Variants in ZNF384 observed in about 807,000 individuals in gnomAD.
ZNF384 encodes CAG repeat protein 1.
A neutral mutation model predicts 65.0 loss-of-function variants in ZNF384; 20 were observed. The ratio of observed to expected loss-of-function variants is 0.31; its 90% CI spans 0.22 to 0.45. ZNF384 has a LOEUF of 0.45. ZNF384 is among the 20% of genes least tolerant of loss of function. The pLI, the probability that ZNF384 is intolerant of heterozygous loss-of-function variation, is 1.00. For synonymous variants in ZNF384, 310 were observed against 303.9 expected (o/e 1.02, Z -0.21); for missense variants, 549 against 769.4 (o/e 0.71, Z 3.39).
intron 7 of ZNF384, among the ~76,000 whole-genome samples, chr12:6,676,746 T>A (rs1041564579): frequency 3.3e-5 from 5 of 152,238 alleles, no homozygotes; most frequent in African/African-American, 4.8e-5. Flanking sequence ...TGAACTGATA[T>A]ATAAGAGAAT....
At position 6,666,542 on chromosome 12, in the gene ZNF384, TTTTC is replaced by T. The variant is rs1438281484; in HGVS notation, c.*1168_*1171del. On this transcript the variant is annotated 3_prime_UTR_variant, in exon 12 of 12. Coordinates refer to ENST00000683879, the MANE Select transcript of ZNF384 (RefSeq NM_001385745.1). Reference sequence around the variant, plus strand: ...CACCCCTTGGTTTGTACATAAGTTTTTTTCTTTTTTTCTTCATTTTTAAATTACT... The same window carrying T: ...CACCCCTTGGTTTGTACATAAGTTTTTTTTTTTCTTCATTTTTAAATTACT... The T allele has an allele frequency of 1.8e-5, 3 of 162,376 alleles. No homozygotes were observed. Among genetic ancestry groups the T allele is most frequent in the Non-Finnish European group, 4.0e-5 (3 of 74,568 alleles). 10.1% of individuals were successfully genotyped at this position (162,376 alleles called of 1,614,324 possible). A position where few individuals can be genotyped will look rare whatever the true frequency, so the allele number is the denominator to read the frequency against.
chr12:6,672,439 G>A lies in ZNF384; in HGVS notation c.1098C>T (p.His366=). Residue 366 remains histidine, a synonymous_variant, in exon 9 of 12, where the codon CAC becomes CAT. Transcript: ENST00000683879. The surrounding 1 kb of genome is among the most constrained non-coding windows in gnomAD (Gnocchi z 4.4). The part of the protein sequence containing the change: ...TFANTSYLAQ[H]LRIHSGAKPY... Reference sequence around the variant, plus strand: ...GCTTGGCCCCCGAGTGGATACGGAGGTGCTGGGCCAGGTAGGAGGTGTTGG... The same window carrying A: ...GCTTGGCCCCCGAGTGGATACGGAGATGCTGGGCCAGGTAGGAGGTGTTGG... 1 of 1,614,222 alleles carries A rather than the reference G, an allele frequency of 6.2e-7. No homozygotes were observed. Among genetic ancestry groups the A allele is most frequent in the Non-Finnish European group, 8.5e-7 (1 of 1,180,026 alleles).
chr12:6,687,656 T>C (rs779696540), intron 2 of ZNF384, among the ~76,000 whole-genome samples: 1 of 152,082 alleles, frequency 6.6e-6, no homozygotes, highest in African/African-American at 2.4e-5. Flanking sequence ...TTTTTTCCCC[T>C]GAAAATTTCA....
intron 7 of ZNF384, among the ~76,000 whole-genome samples, chr12:6,674,656 A>G: frequency 6.6e-6 from 1 of 152,212 alleles, no homozygotes; most frequent in South Asian, 2.1e-4. Context: ...TAGTGAGCAT[A>G]ATCCAAAGGA....
intron 6 of ZNF384, 89 bp from the exon 7 acceptor site, chr12:6,677,348 A>C (rs983779192): frequency 9.2e-6 from 11 of 1,200,018 alleles, no homozygotes; most frequent in Non-Finnish European, 1.2e-5. Context: ...GCCCCTGTCT[A>C]TATCAAAGCT....
At chr12:6,669,616 C>T (rs1265948664) in intron 10 of ZNF384, among the ~76,000 whole-genome samples, 1 of 152,048 alleles carries the variant, frequency 6.6e-6, no homozygotes, top group Non-Finnish European at 1.5e-5. Flanking sequence ...TCTCCTGCCT[C>T]AGCCTGCAAG....
Position 6,666,873 on chromosome 12 carries a change from C to T in ZNF384, c.*841G>A, listed in dbSNP as rs2136314284. 5.4e-6 allele frequency: 1 copy of T among 186,520 alleles called. No individual in the cohort carries two copies. Among genetic ancestry groups the T allele is most frequent in the East Asian group, 8.6e-5 (1 of 11,686 alleles). 11.6% of individuals were successfully genotyped at this position (186,520 alleles called of 1,614,324 possible). The stretch of plus-strand genomic sequence containing the variant: ...GCATCTGACTGTGGCACCTAGGGAG[C>T]TAAGTCCAGTCCTTGCGTTTGCCTT... On this transcript the variant is annotated 3_prime_UTR_variant, in exon 12 of 12. Transcript: ENST00000683879.
At chr12:6,684,722 G>A (rs1268841370) in intron 2 of ZNF384, among the ~76,000 whole-genome samples, 4 of 152,078 alleles carry the variant, frequency 2.6e-5, no homozygotes, top group East Asian at 1.9e-4. Flanking sequence ...TGACACCTGA[G>A]AAATGCTATG....
intron 2 of ZNF384, among the ~76,000 whole-genome samples, chr12:6,686,544 G>T (rs997118173): frequency 6.6e-6 from 1 of 152,202 alleles, no homozygotes; most frequent in South Asian, 2.1e-4. Context: ...GTAAGCCACC[G>T]TGCCCGGCCA....
At position 6,679,193 on chromosome 12, in the gene ZNF384, A is replaced by G. The variant is rs150066959; in HGVS notation, c.67-10T>C. ...ACATTGTGTTCTCGATCTAAGAGAA[A>G]AGGAAGGGGACGGGAGCACCCTCTT... is the stretch of plus-strand genomic sequence containing the variant. On this transcript the variant is annotated splice_polypyrimidine_tract_variant and intron_variant, in intron 3 of 11. Coordinates refer to ENST00000683879, the MANE Select transcript of ZNF384 (RefSeq NM_001385745.1). 8.7e-5 allele frequency: 136 copies of G among 1,561,150 alleles called. No homozygotes were observed. The East Asian group carries it at 2.4e-3, about 27-fold the overall frequency.
At chr12:6,677,060 T>G (rs1212296548) in intron 7 of ZNF384, 107 bp downstream of exon 7, 1 of 330,132 alleles carries the variant, frequency 3.0e-6, no homozygotes, top group East Asian at 7.7e-5. Flanking sequence ...TTCCCAACAT[T>G]TCAAATCTTA....
At chr12:6,668,501 G>C (rs539158875) in intron 11 of ZNF384, among the ~76,000 whole-genome samples, 1 of 152,160 alleles carries the variant, frequency 6.6e-6, no homozygotes, top group Non-Finnish European at 1.5e-5. Context: ...TCAGGAGTTT[G>C]AGACCAGCCT....
intron 11 of ZNF384, 110 bp downstream of exon 11, chr12:6,668,921 G>T: frequency 8.3e-7 from 1 of 1,211,078 alleles, no homozygotes; most frequent in Non-Finnish European, 1.1e-6. Flanking sequence ...CTAAGTTGGA[G>T]CTAGGGAGGC....
intron 1 of ZNF384, 79 bp downstream of exon 1, chr12:6,689,019 C>T (rs1296444274): frequency 6.6e-6 from 1 of 152,278 alleles, no homozygotes; most frequent in Non-Finnish European, 1.5e-5. Flanking sequence ...ACCCCCCCTT[C>T]CCCGCCTGCC....
In ZNF384 at chr12:6,668,043, C is replaced by T. The variant is rs1212595344; in HGVS notation, c.1498G>A (p.Ala500Thr). ...TGGGCCTGGGCCACTGCTGCCGCTG[C>T]TGCTGCTGCCTGCACCTGTTGCTGA... The part of the protein sequence containing the change: ...DLQQQVQAAA[A>T]AAAVAQAQAQ... Residue 500 changes from alanine (A) to threonine (T), a missense_variant, in exon 12 of 12, where the codon GCA (alanine) becomes ACA (threonine). This residue lies in a region of ZNF384 where 136 missense variants were observed against 183.0 expected (regional missense o/e 0.74). Coordinates refer to ENST00000683879, the MANE Select transcript of ZNF384 (RefSeq NM_001385745.1). 1 of 1,613,524 alleles carries T rather than the reference C, an allele frequency of 6.2e-7. No homozygotes were observed. The highest frequency in any genetic ancestry group is 1.3e-5 in the African/African-American group (1 of 75,034).
At chr12:6,685,723 A>G (rs567777614) in intron 2 of ZNF384, among the ~76,000 whole-genome samples, 1 of 150,398 alleles carries the variant, frequency 6.6e-6, no homozygotes, top group Non-Finnish European at 1.5e-5. Context: ...GTTGCAGTGA[A>G]AGGAGATCAG....
At position 6,678,107 on chromosome 12, in the gene ZNF384, C is replaced by G; in HGVS notation, c.686+20G>C. On this transcript the variant is annotated intron_variant, in intron 6 of 11. Transcript: ENST00000683879. This position sits in a 1 kb window ranked among gnomAD's most constrained non-coding sequence, Gnocchi z 4.9. ...AGCCAGGGATCCTCGCCCCATCCTG[C>G]CCCTGGCTCTGAGTCTTACCTGTAG... 6.3e-7 allele frequency: 1 copy of G among 1,595,518 alleles called. No individual in the cohort carries two copies. Among genetic ancestry groups the G allele is most frequent in the Non-Finnish European group, 8.6e-7 (1 of 1,167,018 alleles).
Position 6,678,154 on chromosome 12 carries a change from T to C in ZNF384, c.659A>G (p.Asp220Gly), listed in dbSNP as rs1954457612. The C allele has an allele frequency of 6.2e-7, 1 of 1,613,076 alleles. No homozygotes were observed. Among genetic ancestry groups the C allele is most frequent in the Admixed American group, 1.7e-5 (1 of 59,990 alleles). ...PYVLSPEDDD[D>G]HQKDGKTYRS... ...GTAGGTCTTGCCGTCTTTCTGATGG[T>C]CATCATCATCCTCAGGGGAGAGGAC... is the stretch of plus-strand genomic sequence containing the variant. The change falls in exon 6 of 12, where the codon GAC becomes GGC. Residue 220 changes from aspartate (D) to glycine (G), a missense_variant. Physicochemically the swap from Asp to Gly is moderately conservative, Grantham distance 94. Coordinates refer to ENST00000683879, the MANE Select transcript of ZNF384 (RefSeq NM_001385745.1). This position sits in a 1 kb window ranked among gnomAD's most constrained non-coding sequence, Gnocchi z 4.9.
rs779600318 is a variant in ZNF384 at position 6,669,097 on chromosome 12, C to T, written c.1359G>A (p.Leu453=). ...TGGCATGCTTCACTGTGTGCGTAGA[C>T]AGGTGCACCTCTAGTGAGGCTGCAT... The part of the protein sequence containing the change: ...YTDAASLEVH[L]STHTVKHAKV... Residue 453 remains leucine (L), a synonymous_variant, in exon 11 of 12, where the codon CTG becomes CTA. Coordinates refer to ENST00000683879, the MANE Select transcript of ZNF384 (RefSeq NM_001385745.1). The T allele has an allele frequency of 2.5e-6, 4 of 1,613,916 alleles. No individual in the cohort carries two copies. Among genetic ancestry groups the T allele is most frequent in the East Asian group, 2.2e-5 (1 of 44,896 alleles).
Sources: allele counts gnomAD v4.1 joint callset (sites outside exome capture counted in the v4.1 genomes callset), GRCh38; gene constraint gnomAD v4.1.1; regional missense constraint gnomAD v4.1.1; non-coding constraint Gnocchi (gnomAD v3.1); transcripts MANE v1.5; gene names NCBI Gene and HGNC (gene_info 2026-07-23, HGNC 2026-07-21).